The following GMPR2 variants were observed in gnomAD, a reference collection of about 807,000 sequenced individuals.
The protein encoded by GMPR2 is GMP reductase 2.
GMPR2 carries 32 observed loss-of-function variants against 38.5 expected under a neutral mutation model. The ratio of observed to expected loss-of-function variants is 0.83; its 90% CI spans 0.63 to 1.12. The LOEUF (loss-of-function observed/expected upper bound fraction) is 1.12, where lower values mean the gene tolerates loss of function less well. GMPR2 is among the 50% of genes most tolerant of loss of function. The pLI is 0.00. For missense variants in GMPR2, 396 were observed against 432.1 expected (o/e 0.92, Z 0.74); for synonymous variants, 154 against 151.0 (o/e 1.02, Z -0.15).
At position 24,237,241 on chromosome 14, in the gene GMPR2, C is replaced by G; in HGVS notation, c.548-4C>G. On this transcript the variant is annotated splice_region_variant and splice_polypyrimidine_tract_variant and intron_variant, in intron 6 of 9. Coordinates refer to ENST00000399440, the MANE Select transcript of GMPR2 (RefSeq NM_001002002.3). ...CATTCTTACCCTTATCATGTTCTTC[C>G]TAGGCTCTGTGTGTACTACTCGGAA... 1.3e-6 allele frequency: 2 copies of G among 1,597,192 alleles called. No homozygotes were observed. The highest frequency in any genetic ancestry group is 1.7e-6 in the Non-Finnish European group (2 of 1,164,516).
Position 24,233,785 on chromosome 14 carries a change from G to C in GMPR2, c.207+187G>C, listed in dbSNP as rs756705626. The C allele has an allele frequency of 2.2e-4, 148 of 664,052 alleles. 1 individual carries two copies. The highest frequency in any genetic ancestry group is 3.2e-4 in the Non-Finnish European group (122 of 378,826). The allele number at this position is 664,052 out of a possible 1,614,324, so 41.1% of individuals were successfully genotyped here. A position where few individuals can be genotyped will look rare whatever the true frequency, so the allele number is the denominator to read the frequency against. ...TAAGTTCAAAAGGCCATCTGAATTAGTGAGATTCAAAGCTAAGTTCTGCTC... is the reference window on the plus strand; with the variant it reads ...TAAGTTCAAAAGGCCATCTGAATTACTGAGATTCAAAGCTAAGTTCTGCTC... On this transcript the variant is annotated intron_variant, in intron 3 of 9. Transcript: ENST00000399440.
intron 3 of GMPR2, chr14:24,235,430 C>G (rs1430681371): frequency 5.0e-6 from 2 of 402,938 alleles, no homozygotes; most frequent in East Asian, 9.3e-5. Context: ...TGCTGCCTGT[C>G]CCACTGCACC....
chr14:24,235,795 C>T lies in GMPR2; in HGVS notation c.266C>T (p.Ala89Val). Residue 89 changes from alanine (A) to valine (V), a missense_variant, in exon 4 of 10, where the codon GCT (alanine) becomes GTT (valine). Coordinates refer to ENST00000399440, the MANE Select transcript of GMPR2 (RefSeq NM_001002002.3). ...AGCCTCGTTCAGTGGCAAGAGTTTG[C>T]TGGCCAGAATCCTGACTGTCTTGAG... Reference protein sequence around the residue: ...HYSLVQWQEFAGQNPDCLEHL... With the variant: ...HYSLVQWQEFVGQNPDCLEHL... 6.2e-7 allele frequency: 1 copy of T among 1,613,272 alleles called. No individual in the cohort carries two copies. Among genetic ancestry groups the T allele is most frequent in the African/African-American group, 1.3e-5 (1 of 75,028 alleles).
rs138466072 is a variant in GMPR2, at chr14:24,234,828, T to C, written c.208-909T>C. ...TCTTTGCTTATCAGTATGTTGATGA[T>C]AGAGTTGTTGAGAAAGCAGAATTCA... On this transcript the variant is annotated intron_variant, in intron 3 of 9. Transcript: ENST00000399440. Among the ~76,000 whole-genome samples, 20 of 152,368 alleles carry C rather than the reference T, an allele frequency of 1.3e-4. No individual in the cohort carries two copies. The East Asian group carries it at 1.7e-3, about 13-fold the overall frequency.
chr14:24,234,900 A>T (rs189718192), intron 3 of GMPR2, among the ~76,000 whole-genome samples: 1 of 147,060 alleles, frequency 6.8e-6, no homozygotes, highest in East Asian at 1.9e-4. Context: ...ACGTATGTAG[A>T]GCACTTGTTG....
chr14:24,237,027 G>T, intron 5 of GMPR2, 44 bp from the exon 6 acceptor site: 1 of 1,440,440 alleles, frequency 6.9e-7, no homozygotes, highest in Admixed American at 1.7e-5. Context: ...ATGACCTCCT[G>T]TTTCTGGCCC....
intron 8 of GMPR2, 28 bp from the exon 9 acceptor site, chr14:24,238,216 ATC>A (rs754007019): frequency 6.3e-7 from 1 of 1,586,150 alleles, no homozygotes; most frequent in South Asian, 1.2e-5. Context: ...GGCCAGATTA[ATC>A]TCTTTCCCCC....
At chr14:24,233,111 T>C in intron 1 of GMPR2, 108 bp from the exon 2 acceptor site, 1 of 1,451,980 alleles carries the variant, frequency 6.9e-7, no homozygotes. Context: ...GGGACCACAC[T>C]TCGGCCTTTG....
rs778587248 is a variant in GMPR2 at position 24,237,350 on chromosome 14, C to T, written c.653C>T (p.Ser218Leu). Reference protein sequence around the residue: ...AAHGLKGHIISDGGCSCPGDV... With the variant: ...AAHGLKGHIILDGGCSCPGDV... ...CATGGCCTCAAAGGCCACATCATTT[C>T]AGTAAGGCTCAAGGGCAGGGTAGGG... The change falls in exon 7 of 10, where the codon TCA (serine) becomes TTA (leucine). Residue 218 changes from serine to leucine, a missense_variant and splice_region_variant. Coordinates refer to ENST00000399440, the MANE Select transcript of GMPR2 (RefSeq NM_001002002.3). 4 of 1,586,982 alleles carry T rather than the reference C, an allele frequency of 2.5e-6. No individual in the cohort carries two copies. The highest frequency in any genetic ancestry group is 3.5e-6 in the Non-Finnish European group (4 of 1,155,370).
At chr14:24,236,220 C>T (rs2040337299) in intron 5 of GMPR2, 80 bp downstream of exon 5, 1 of 972,620 alleles carries the variant, frequency 1.0e-6, no homozygotes, top group African/African-American at 1.6e-5. Flanking sequence ...TCCATTTCTC[C>T]TCTGCTGCAT....
Position 24,235,985 on chromosome 14 carries a change from G to T in GMPR2, c.310G>T (p.Gly104Cys). 6.2e-7 allele frequency: 1 copy of T among 1,614,096 alleles called. No individual in the cohort carries two copies. Among genetic ancestry groups the T allele is most frequent in the Non-Finnish European group, 8.5e-7 (1 of 1,179,982 alleles). ...DCLEHLAASSGTGSSDFEQLE... is the reference protein window; with the variant it reads ...DCLEHLAASSCTGSSDFEQLE... The stretch of plus-strand genomic sequence containing the variant: ...CCCACAGCATCTGGCTGCCAGCTCA[G>T]GCACAGGCTCTTCTGACTTTGAGCA... The change falls in exon 5 of 10, where the codon GGC (glycine) becomes TGC (cysteine). Residue 104 changes from glycine (G) to cysteine (C), a missense_variant. By Grantham distance (159) the Gly-to-Cys change is radical. Coordinates refer to ENST00000399440, the MANE Select transcript of GMPR2 (RefSeq NM_001002002.3).
At chr14:24,237,185 C>G (rs571824159) in intron 6 of GMPR2, 33 bp downstream of exon 6, 17 of 1,536,906 alleles carry the variant, frequency 1.1e-5, no homozygotes, top group South Asian at 1.0e-4. Context: ...CTGGCTACCC[C>G]CCTTCAGTGG....
chr14:24,233,377 A>G, intron 2 of GMPR2, 37 bp downstream of exon 2: 1 of 1,608,982 alleles, frequency 6.2e-7, no homozygotes, highest in Non-Finnish European at 8.5e-7. Context: ...TCTTGACCCC[A>G]CGCTCCCGGT....
At chr14:24,233,129 T>C (rs958697355) in intron 1 of GMPR2, 90 bp from the exon 2 acceptor site, 131 of 1,582,056 alleles carry the variant, frequency 8.3e-5, no homozygotes, top group Non-Finnish European at 1.1e-4. Flanking sequence ...TTGCCCGACC[T>C]TCCACAACTT....
chr14:24,238,437 G>A, intron 9 of GMPR2, 32 bp downstream of exon 9: 4 of 1,614,078 alleles, frequency 2.5e-6, no homozygotes, highest in East Asian at 2.2e-5. Flanking sequence ...CTTAGTAATA[G>A]TATGGAGGCA....
At position 24,238,392 on chromosome 14, in the gene GMPR2, G is replaced by A. The variant is rs369053454; in HGVS notation, c.844G>A (p.Val282Met). 4.1e-5 allele frequency: 66 copies of A among 1,613,978 alleles called. No homozygotes were observed. Among genetic ancestry groups the A allele is most frequent in the African/African-American group, 6.7e-5 (5 of 74,884 alleles). ...EMAMKKYAGG[V>M]AEYRASEGKT... Reference sequence around the variant, plus strand: ...GGCCATGAAGAAGTATGCTGGGGGCGTGGCTGAGTACAGGTATGTGTGGAG... The same window carrying A: ...GGCCATGAAGAAGTATGCTGGGGGCATGGCTGAGTACAGGTATGTGTGGAG... Residue 282 changes from valine to methionine, a missense_variant, in exon 9 of 10, where the codon GTG becomes ATG. Physicochemically the swap from Val to Met is conservative, Grantham distance 21 (BLOSUM62 1). Coordinates refer to ENST00000399440, the MANE Select transcript of GMPR2 (RefSeq NM_001002002.3).
At chr14:24,235,843 C>A in intron 4 of GMPR2, 23 bp downstream of exon 4, 1 of 1,599,638 alleles carries the variant, frequency 6.3e-7, no homozygotes, top group South Asian at 1.1e-5. Context: ...ATACCCTGCT[C>A]CCTTCCTTAT....
In GMPR2 at chr14:24,238,565, T is replaced by C. The variant is rs370958673; in HGVS notation, c.858-24T>C. 2.9e-5 allele frequency: 46 copies of C among 1,613,928 alleles called. No homozygotes were observed. The African/African-American group carries it at 4.5e-4, about 16-fold the overall frequency. On this transcript the variant is annotated intron_variant, in intron 9 of 9. Transcript: ENST00000399440. Reference sequence around the variant, plus strand: ...GCTTAAGGAATCCAGAAGGAGAAGATAATAAAGTTTTTCCTACTTTAAGAG... The same window carrying C: ...GCTTAAGGAATCCAGAAGGAGAAGACAATAAAGTTTTTCCTACTTTAAGAG...
chr14:24,238,195 G>A (rs2138981276), intron 8 of GMPR2, 51 bp from the exon 9 acceptor site: 1 of 1,531,646 alleles, frequency 6.5e-7, no homozygotes, highest in Non-Finnish European at 8.9e-7. Flanking sequence ...GGGTGGCCAT[G>A]TGAGCACCTT....
Sources: allele counts gnomAD v4.1 joint callset (sites outside exome capture counted in the v4.1 genomes callset), GRCh38; gene constraint gnomAD v4.1.1; transcripts MANE v1.5; gene names NCBI Gene and HGNC (gene_info 2026-07-23, HGNC 2026-07-21).